The following COBL variants were observed in gnomAD, a reference collection of about 807,000 sequenced individuals.
The protein encoded by COBL is cordon-bleu WH2 repeat protein.
In COBL, 51 loss-of-function variants were observed where a neutral mutation model predicts 98.8. The observed-to-expected ratio is 0.52, with a 90% CI of 0.41 to 0.65. COBL has a LOEUF of 0.65. Ranked by LOEUF, COBL falls within the 30% of genes least tolerant of loss-of-function variation. The probability of loss-of-function intolerance (pLI) is 0.00; values close to 1 mark genes in which losing one functional copy is unlikely to be tolerated. For missense variants in COBL, 1,617 were observed against 1,617.5 expected, an observed-to-expected ratio of 1.00 and a Z score of 0.01; for synonymous variants, 634 against 651.7, an observed-to-expected ratio of 0.97 and a Z score of 0.41.
intron 1 of COBL, among the ~76,000 whole-genome samples, chr7:51,270,896 G>A (rs1347579706): frequency 1.3e-5 from 2 of 151,930 alleles, no homozygotes; most frequent in African/African-American, 2.4e-5. Flanking sequence ...TTTGTTCCTG[G>A]TACATAGTAC....
In COBL at chr7:51,268,490, C is replaced by T. The variant is rs192250309; in HGVS notation, c.41+48103G>A. ...CCACCCTTCCTGCAACGCAGATGAA[C>T]GCTGAGAAGAAGAGTTACTAAGCAT... On this transcript the variant is annotated intron_variant, in intron 1 of 12. Coordinates refer to ENST00000265136, the MANE Select transcript of COBL (RefSeq NM_015198.5). Among the ~76,000 whole-genome samples the T allele has an allele frequency of 2.0e-3, 299 of 152,248 alleles. 1 individual carries two copies. Among genetic ancestry groups the T allele is most frequent in the African/African-American group, 6.7e-3 (280 of 41,544 alleles).
At chr7:51,191,230 A>G in intron 3 of COBL, 152 bp from the exon 4 acceptor site, 1 of 652,452 alleles carries the variant, frequency 1.5e-6, no homozygotes, top group East Asian at 2.7e-5. Context: ...AAAACAGCAT[A>G]ATGAATATTG....
At chr7:51,168,423 G>A (rs987596439) in intron 5 of COBL, among the ~76,000 whole-genome samples, 3 of 149,024 alleles carry the variant, frequency 2.0e-5, no homozygotes, top group Admixed American at 6.7e-5. Context: ...GTGACAGAGC[G>A]AGACTCCGTT....
chr7:51,283,319 A>G (rs1268971359), intron 1 of COBL, among the ~76,000 whole-genome samples: 1 of 152,226 alleles, frequency 6.6e-6, no homozygotes, highest in African/African-American at 2.4e-5. Context: ...ACCACAGACA[A>G]TACAAGAATA....
chr7:51,134,723 A>G (rs1799063922), intron 6 of COBL, among the ~76,000 whole-genome samples: 1 of 152,206 alleles, frequency 6.6e-6, no homozygotes, highest in African/African-American at 2.4e-5. Context: ...AATGCTATCA[A>G]TATGGTCTGC....
intron 5 of COBL, among the ~76,000 whole-genome samples, chr7:51,168,219 A>G (rs1421126764): frequency 6.6e-6 from 1 of 152,180 alleles, no homozygotes; most frequent in East Asian, 1.9e-4. Flanking sequence ...TCCACAGGAA[A>G]AAGTCTAATA....
chr7:51,143,189 C>T (rs1159629159), intron 5 of COBL, among the ~76,000 whole-genome samples: 5 of 152,140 alleles, frequency 3.3e-5, no homozygotes, highest in Admixed American at 6.5e-5. Flanking sequence ...GTTCACAGGG[C>T]ATGCCTCAAT....
intron 7 of COBL, chr7:51,065,267 G>C (rs749503340): frequency 2.6e-5 from 18 of 703,326 alleles, no homozygotes; most frequent in Non-Finnish European, 4.4e-5. Context: ...AGACCCAAGA[G>C]AAGGCTGAGC....
intron 5 of COBL, among the ~76,000 whole-genome samples, chr7:51,180,139 A>T (rs1223746408): frequency 6.6e-6 from 1 of 152,244 alleles, no homozygotes; most frequent in Non-Finnish European, 1.5e-5. Flanking sequence ...TTCTTTTTTA[A>T]CAAGACACAT....
intron 1 of COBL, among the ~76,000 whole-genome samples, chr7:51,233,847 C>T (rs564435071): frequency 6.6e-6 from 1 of 152,174 alleles, no homozygotes; most frequent in Non-Finnish European, 1.5e-5. Context: ...TCGTTGCAAT[C>T]CCACTAACAA....
chr7:51,183,395 A>G lies in COBL; in HGVS notation c.783+707T>C, dbSNP rs1584087628. Among the ~76,000 whole-genome samples the G allele has an allele frequency of 2.6e-5, 4 of 152,202 alleles. No homozygotes were observed. The South Asian group carries it at 8.3e-4, about 32-fold the overall frequency. The stretch of plus-strand genomic sequence containing the variant: ...ATATACTTGTGAAGCAAATATAAAT[A>G]CGGATAATGAGCATTTTCTTTTCTT... On this transcript the variant is annotated intron_variant, in intron 5 of 12. Coordinates refer to ENST00000265136, the MANE Select transcript of COBL (RefSeq NM_015198.5).
At chr7:51,216,930 C>A (rs1391210728) in intron 2 of COBL, among the ~76,000 whole-genome samples, 4 of 152,204 alleles carry the variant, frequency 2.6e-5, no homozygotes, top group Admixed American at 1.3e-4. Flanking sequence ...GCAGCCCACT[C>A]TTATATTAAT....
At chr7:51,021,057 G>T (rs1341932309) in intron 12 of COBL, 1 of 152,184 alleles carries the variant, frequency 6.6e-6, no homozygotes, top group African/African-American at 2.4e-5. Context: ...AAAGGAGGAG[G>T]CTGCACTGCT....
At chr7:51,049,279 C>T (rs934932349) in intron 7 of COBL, among the ~76,000 whole-genome samples, 1 of 152,106 alleles carries the variant, frequency 6.6e-6, no homozygotes, top group African/African-American at 2.4e-5. Context: ...ATAAGGTTTG[C>T]CCATCTCAGG....
At position 51,278,379 on chromosome 7, in the gene COBL, C is replaced by CTTT. The variant is rs10649607; in HGVS notation, c.41+38211_41+38213dup. On this transcript the variant is annotated intron_variant, in intron 1 of 12. Transcript: ENST00000265136. ...CAAGCATGCTATATTTAGACAGGAT[C>CTTT]TTTTTTTTTTTTTTTTTTTGAGACA... Among the ~76,000 whole-genome samples, 1,432 of 119,424 alleles carry CTTT rather than the reference C, an allele frequency of 0.012. 114 individuals carry two copies. The South Asian group carries it at 0.14, about 12-fold the overall frequency. 78.3% of individuals were successfully genotyped at this position (119,424 alleles called of 152,430 possible). A position where few individuals can be genotyped will look rare whatever the true frequency, so the allele number is the denominator to read the frequency against.
At chr7:51,145,825 G>A (rs536644197) in intron 5 of COBL, among the ~76,000 whole-genome samples, 65 of 152,164 alleles carry the variant, frequency 4.3e-4, no homozygotes, top group Non-Finnish European at 8.7e-4. Context: ...TTGAACAGCC[G>A]TCTTTCGTGT....
chr7:51,086,454 C>T (rs1168874849), intron 6 of COBL, among the ~76,000 whole-genome samples: 3 of 151,800 alleles, frequency 2.0e-5, no homozygotes, highest in African/African-American at 7.3e-5. Flanking sequence ...CAAGTCTGTA[C>T]CTCCAGTCCA....
At chr7:51,071,278 C>CCT (rs1792527506) in intron 7 of COBL, 1 of 152,208 alleles carries the variant, frequency 6.6e-6, no homozygotes, top group Non-Finnish European at 1.5e-5. Flanking sequence ...AATGCAAGTG[C>CCT]TTTGGGAAAA....
At chr7:51,146,234 T>C (rs537527899) in intron 5 of COBL, among the ~76,000 whole-genome samples, 4 of 152,374 alleles carry the variant, frequency 2.6e-5, no homozygotes, top group South Asian at 2.1e-4. Flanking sequence ...TGAATGGCTT[T>C]TGTCTGTTTA....
Sources: gnomAD v4.1 joint callset for allele counts (sites outside exome capture counted in the v4.1 genomes callset) on GRCh38, gnomAD v4.1.1 for gene constraint, MANE v1.5 for transcripts, NCBI Gene and HGNC (gene_info 2026-07-23, HGNC 2026-07-21) for gene names.